DENND5A: variants seen among roughly 807,000 people sequenced by gnomAD.
The protein encoded by DENND5A is DENN domain containing 5A.
DENND5A carries 64 observed loss-of-function variants against 140.3 expected under a neutral mutation model. That is an observed-to-expected ratio of 0.46 (90% CI 0.37 to 0.56). DENND5A has a LOEUF of 0.56. DENND5A is among the 20% of genes least tolerant of loss of function. The probability of loss-of-function intolerance (pLI) is 0.00; values close to 1 mark genes in which losing one functional copy is unlikely to be tolerated. For missense variants in DENND5A, 1,292 were observed against 1,593.8 expected (o/e 0.81, Z 3.22); for synonymous variants, 605 against 607.7 (o/e 1.00, Z 0.07).
rs190462442 is a variant in DENND5A at position 9,201,451 on chromosome 11, G to A, written c.949+2209C>T. Among the ~76,000 whole-genome samples, 5 of 151,346 alleles carry A rather than the reference G, an allele frequency of 3.3e-5. No homozygotes were observed. In the South Asian group the frequency reaches 1.0e-3, roughly 32 times the overall value. ...CAGCACTTTGGGAAACCAGGCAGGA[G>A]GTTCAGCCCAGGAGTTTGAGACCAG... On this transcript the variant is annotated intron_variant, in intron 4 of 22. Coordinates refer to ENST00000328194, the MANE Select transcript of DENND5A (RefSeq NM_015213.4).
At position 9,203,821 on chromosome 11, in the gene DENND5A, G is replaced by A; in HGVS notation, c.788C>T (p.Ser263Phe). 6.8e-6 allele frequency: 11 copies of A among 1,614,144 alleles called. No homozygotes were observed. Among genetic ancestry groups the A allele is most frequent in the Non-Finnish European group, 9.3e-6 (11 of 1,180,012 alleles). ...GCAGATTATTGGCCCATAGACCCCAGAAAACTTCAAGGACCGGCCAGGAGG... is the reference window on the plus strand; with the variant it reads ...GCAGATTATTGGCCCATAGACCCCAAAAAACTTCAAGGACCGGCCAGGAGG... ...LPPPGRSLKF[S>F]GVYGPIICQR... The change falls in exon 4 of 23, where the codon TCT becomes TTT. Residue 263 changes from serine to phenylalanine, a missense_variant. Ser to Phe is a radical substitution (Grantham distance 155). This residue lies in a region of DENND5A where 566 missense variants were observed against 650.4 expected (regional missense o/e 0.87). Transcript: ENST00000328194.
At chr11:9,163,676 C>T (rs1848069053) in intron 11 of DENND5A, among the ~76,000 whole-genome samples, 1 of 151,926 alleles carries the variant, frequency 6.6e-6, no homozygotes, top group South Asian at 2.1e-4. Context: ...TGGTGGTGCA[C>T]TCCTGTAATC....
In DENND5A at chr11:9,204,168, G is replaced by A; in HGVS notation, c.441C>T (p.Cys147=). The A allele has an allele frequency of 6.2e-7, 1 of 1,614,122 alleles. No individual in the cohort carries two copies. The highest frequency in any genetic ancestry group is 1.3e-5 in the African/African-American group (1 of 75,022). ...FYEEVTSKQI[C]SAMQTLYHMH... ...TGTGGTAGAGGGTCTGCATTGCACT[G>A]CAGATCTGCTTGCTAGTCACCTCTT... Residue 147 remains cysteine (C), a synonymous_variant, in exon 4 of 23, where the codon TGC becomes TGT. Transcript: ENST00000328194.
At chr11:9,187,410 C>T (rs1452895249) in intron 5 of DENND5A, among the ~76,000 whole-genome samples, 2 of 152,136 alleles carry the variant, frequency 1.3e-5, no homozygotes, top group Non-Finnish European at 2.9e-5. Flanking sequence ...GACTTAGCTG[C>T]TCTGAGGTAG....
intron 1 of DENND5A, among the ~76,000 whole-genome samples, chr11:9,236,262 T>C (rs1336225435): frequency 1.3e-5 from 2 of 149,126 alleles, no homozygotes; most frequent in Non-Finnish European, 3.0e-5. Context: ...CTGGGCGCAG[T>C]GGCTCGTGCC....
At chr11:9,206,895 T>C (rs1590275992) in intron 2 of DENND5A, 113 bp from the exon 3 acceptor site, 1 of 726,314 alleles carries the variant, frequency 1.4e-6, no homozygotes, top group East Asian at 2.5e-5. Context: ...GCAAGGGGGT[T>C]AGTATGCCAA....
At chr11:9,141,093 T>A (rs1181998425) in intron 22 of DENND5A, among the ~76,000 whole-genome samples, 1 of 151,980 alleles carries the variant, frequency 6.6e-6, no homozygotes, top group African/African-American at 2.4e-5. Context: ...ACCATTGCAC[T>A]CCAGCCTGGG....
Position 9,265,165 on chromosome 11 carries a change from C to A in DENND5A, c.-96G>T. The A allele has an allele frequency of 1.5e-6, 1 of 648,648 alleles. No individual in the cohort carries two copies. Among genetic ancestry groups the A allele is most frequent in the Non-Finnish European group, 1.9e-6 (1 of 518,790 alleles). The allele number at this position is 648,648 out of a possible 1,614,324, so 40.2% of individuals were successfully genotyped here. On this transcript the variant is annotated 5_prime_UTR_variant, in exon 1 of 23. Coordinates refer to ENST00000328194, the MANE Select transcript of DENND5A (RefSeq NM_015213.4). This position sits in a 1 kb window ranked among gnomAD's most constrained non-coding sequence, Gnocchi z 4.7. ...TCCGCCCTCAGGCCGCCCCTCCCGC[C>A]GCCGCCGCTACCGCGGCTCGGGCCG... is the stretch of plus-strand genomic sequence containing the variant.
intron 1 of DENND5A, among the ~76,000 whole-genome samples, chr11:9,218,160 G>T (rs1850167426): frequency 6.6e-6 from 1 of 150,794 alleles, no homozygotes; most frequent in Non-Finnish European, 1.5e-5. Flanking sequence ...TCAGGAGGCT[G>T]AGGCAGGAGG....
At chr11:9,253,216 C>G (rs544977000) in intron 1 of DENND5A, among the ~76,000 whole-genome samples, 1 of 151,976 alleles carries the variant, frequency 6.6e-6, no homozygotes, top group Non-Finnish European at 1.5e-5. Context: ...AAAAAACAAG[C>G]TTATAAAAGG....
At chr11:9,180,430 G>C (rs1848689998) in intron 6 of DENND5A, among the ~76,000 whole-genome samples, 1 of 152,190 alleles carries the variant, frequency 6.6e-6, no homozygotes, top group South Asian at 2.1e-4. Context: ...TCCAGCCTGA[G>C]TGACAGAGTA....
chr11:9,153,344 C>CAAAA (rs59736475), intron 12 of DENND5A, among the ~76,000 whole-genome samples: 545 of 27,008 alleles, frequency 0.02, 53 homozygotes, highest in African/African-American at 0.034. Context: ...GGCTCCCTCT[C>CAAAA]AAAAAAAAAA....
At chr11:9,175,573 G>A (rs1848521741) in intron 8 of DENND5A, 1 of 152,108 alleles carries the variant, frequency 6.6e-6, no homozygotes, top group African/African-American at 2.4e-5. Flanking sequence ...TTTAATATAA[G>A]CTACAGTAAT....
chr11:9,235,315 T>C (rs1027109028), intron 1 of DENND5A, among the ~76,000 whole-genome samples: 2 of 152,088 alleles, frequency 1.3e-5, no homozygotes, highest in African/African-American at 4.8e-5. Flanking sequence ...TATTCAGCCA[T>C]AACAAGGAAT....
At chr11:9,195,851 C>T (rs1457032259) in intron 4 of DENND5A, among the ~76,000 whole-genome samples, 1 of 151,954 alleles carries the variant, frequency 6.6e-6, no homozygotes, top group East Asian at 1.9e-4. Context: ...CCCTTGGAAG[C>T]TACTGGGCAG....
chr11:9,246,513 G>A (rs1487174278), intron 1 of DENND5A, among the ~76,000 whole-genome samples: 1 of 151,200 alleles, frequency 6.6e-6, no homozygotes, highest in Non-Finnish European at 1.5e-5. Flanking sequence ...TCAGGAGGCT[G>A]AGGCAGGAGA....
At chr11:9,231,000 C>A (rs1850745736) in intron 1 of DENND5A, among the ~76,000 whole-genome samples, 1 of 151,410 alleles carries the variant, frequency 6.6e-6, no homozygotes, top group Non-Finnish European at 1.5e-5. Context: ...AACAAACAAA[C>A]AAAAAAAACC....
At position 9,143,389 on chromosome 11, in the gene DENND5A, G is replaced by A; in HGVS notation, c.3387+14C>T. 1 of 1,609,492 alleles carries A rather than the reference G, an allele frequency of 6.2e-7. No individual in the cohort carries two copies. Reference sequence around the variant, plus strand: ...TCAATGTAAGGCCCTGGATTGGAGGGCAGGAAGGCTCACCTCTTTCTCAGG... The same window carrying A: ...TCAATGTAAGGCCCTGGATTGGAGGACAGGAAGGCTCACCTCTTTCTCAGG... On this transcript the variant is annotated intron_variant, in intron 20 of 22. Transcript: ENST00000328194.
intron 1 of DENND5A, chr11:9,242,676 A>C (rs1019436523): frequency 3.3e-5 from 5 of 152,182 alleles, no homozygotes; most frequent in African/African-American, 9.7e-5. Flanking sequence ...ATAAAAAAAC[A>C]ACCATTAACT....
Sources: allele counts gnomAD v4.1 joint callset (sites outside exome capture counted in the v4.1 genomes callset), GRCh38; gene constraint gnomAD v4.1.1; regional missense constraint gnomAD v4.1.1; non-coding constraint Gnocchi (gnomAD v3.1); transcripts MANE v1.5; gene names NCBI Gene and HGNC (gene_info 2026-07-23, HGNC 2026-07-21).